The following USH2A variants were observed in gnomAD, a reference collection of about 807,000 sequenced individuals.
The protein encoded by USH2A is usherin.
A neutral mutation model predicts 538.9 loss-of-function variants in USH2A; 443 were observed. That is an observed-to-expected ratio of 0.82 (90% CI 0.76 to 0.89). The LOEUF (loss-of-function observed/expected upper bound fraction) is 0.89, where lower values mean the gene tolerates loss of function less well. Among genes scored for constraint, USH2A ranks in the 40% least tolerant of loss-of-function variants. The pLI, the probability that USH2A is intolerant of heterozygous loss-of-function variation, is 0.00. For missense variants in USH2A, 6,633 were observed against 6,324.8 expected (o/e 1.05, Z -1.65); for synonymous variants, 2,413 against 2,273.5 (o/e 1.06, Z -1.75).
At chr1:216,363,934 G>A (rs1369150939) in intron 4 of USH2A, among the ~76,000 whole-genome samples, 1 of 151,418 alleles carries the variant, frequency 6.6e-6, no homozygotes, top group South Asian at 2.1e-4. Flanking sequence ...AAATCTGTAG[G>A]AGTATAAAAA....
intron 50 of USH2A, among the ~76,000 whole-genome samples, chr1:215,795,210 G>A (rs139341704): frequency 3.3e-5 from 5 of 152,174 alleles, no homozygotes; most frequent in East Asian, 3.9e-4. Flanking sequence ...CAAAGCACAC[G>A]CTATTATTTG....
chr1:216,074,720 G>T (rs1485319288), intron 27 of USH2A, among the ~76,000 whole-genome samples: 1 of 152,122 alleles, frequency 6.6e-6, no homozygotes, highest in African/African-American at 2.4e-5. Flanking sequence ...CAGAAGCTAA[G>T]AATTTTAATG....
At position 215,680,168 on chromosome 1, in the gene USH2A, CT is replaced by C. The variant is rs1558051141; in HGVS notation, c.12274del (p.Arg4092GlufsTer5). 1.2e-6 allele frequency: 2 copies of C among 1,614,102 alleles called. No homozygotes were observed. Among genetic ancestry groups the C allele is most frequent in the Admixed American group, 1.7e-5 (1 of 60,012 alleles). ...ALLLQWSEPMRTNGVIKTYNI... is the reference protein window; with the variant it reads ...ALLLQWSEPMXTNGVIKTYNI... ...CATTACCTTAATCACACCATTGGTT[CT>C]CATAGGTTCTGACCACTGTAGTAGC... On this transcript the variant is annotated frameshift_variant, in exon 62 of 72. Coordinates refer to ENST00000307340, the MANE Select transcript of USH2A (RefSeq NM_206933.4). LOFTEE classifies it high-confidence loss of function.
At chr1:216,084,644 A>G (rs1161457568) in intron 25 of USH2A, 54 bp downstream of exon 25, 4 of 1,588,934 alleles carry the variant, frequency 2.5e-6, no homozygotes, top group Non-Finnish European at 3.4e-6. Context: ...TAAATTATAC[A>G]AAGGATAGAA....
chr1:215,631,609 C>T (rs555159092), intron 70 of USH2A, among the ~76,000 whole-genome samples: 23 of 152,320 alleles, frequency 1.5e-4, no homozygotes, highest in African/African-American at 4.6e-4. Flanking sequence ...GAATTCCACC[C>T]GGTGCCCTGG....
chr1:216,333,463 G>C (rs2037908726), intron 4 of USH2A, among the ~76,000 whole-genome samples: 2 of 152,014 alleles, frequency 1.3e-5, no homozygotes, highest in Admixed American at 1.3e-4. Context: ...GCCCCAGAAA[G>C]CTGTGGGACG....
intron 64 of USH2A, among the ~76,000 whole-genome samples, chr1:215,657,913 T>C (rs1000217793): frequency 6.9e-6 from 1 of 145,924 alleles, no homozygotes; most frequent in African/African-American, 2.5e-5. Flanking sequence ...TGTGAAATAC[T>C]GAAATTTGCC....
intron 55 of USH2A, among the ~76,000 whole-genome samples, chr1:215,776,114 G>A (rs539186313): frequency 1.4e-4 from 21 of 152,274 alleles, no homozygotes; most frequent in South Asian, 1.2e-3. Context: ...GTAGCCCAAA[G>A]TGAAACAATG....
chr1:215,978,167 C>T (rs1667666366), intron 35 of USH2A, among the ~76,000 whole-genome samples: 1 of 152,136 alleles, frequency 6.6e-6, no homozygotes, highest in Admixed American at 6.5e-5. Context: ...TACTTTGAGA[C>T]AGACAATAGG....
chr1:215,775,707 A>G (rs1661443246), intron 55 of USH2A, among the ~76,000 whole-genome samples: 1 of 152,210 alleles, frequency 6.6e-6, no homozygotes, highest in South Asian at 2.1e-4. Context: ...TGGTTAAAGT[A>G]TGTTTTCTCT....
chr1:215,715,911 G>C (rs901073916), intron 61 of USH2A, among the ~76,000 whole-genome samples: 2 of 152,160 alleles, frequency 1.3e-5, no homozygotes, highest in African/African-American at 2.4e-5. Flanking sequence ...TGGACCATAT[G>C]GCTCAATTTG....
Position 215,965,420 on chromosome 1 carries a change from T to C in USH2A, c.7017A>G (p.Thr2339=), listed in dbSNP as rs1426861450. 3 of 1,613,792 alleles carry C rather than the reference T, an allele frequency of 1.9e-6. No individual in the cohort carries two copies. Among genetic ancestry groups the C allele is most frequent in the Non-Finnish European group, 2.5e-6 (3 of 1,179,844 alleles). ...PEGTVNVFVK[T]QGSRKAHVRW... ...TCACGTGGGCTTTCCGGGATCCCTG[T>C]GTTTTGACAAACACATTTACTGTTC... The change falls in exon 37 of 72, where the codon ACA becomes ACG. Residue 2339 remains threonine (T), a synonymous_variant. Transcript: ENST00000307340.
At chr1:216,196,421 T>G in intron 19 of USH2A, 132 bp downstream of exon 19, 1 of 915,706 alleles carries the variant, frequency 1.1e-6, no homozygotes, top group South Asian at 1.5e-5. Flanking sequence ...CACATAATAT[T>G]ATATTAAGAA....
chr1:216,049,770 C>A (rs1237869602), intron 30 of USH2A, among the ~76,000 whole-genome samples: 1 of 152,102 alleles, frequency 6.6e-6, no homozygotes, highest in African/African-American at 2.4e-5. Context: ...AAGACCAGTT[C>A]TTTGCTTTGA....
intron 48 of USH2A, among the ~76,000 whole-genome samples, chr1:215,814,870 T>A (rs1459408134): frequency 1.3e-5 from 2 of 152,168 alleles, no homozygotes; most frequent in African/African-American, 4.8e-5. Context: ...TGAATCAGAA[T>A]CTCTGGGACT....
chr1:216,419,724 AT>A lies in USH2A; in HGVS notation c.486-1046del, dbSNP rs1021123790. ...CAAAAAATGATGAGTTTGTGATCAA[AT>A]TTGGTAGGAAGTATCAGAGAGGCAA... On this transcript the variant is annotated intron_variant, in intron 2 of 71. Transcript: ENST00000307340. 2.5e-3 allele frequency among the ~76,000 whole-genome samples: 387 copies of A among 152,260 alleles called. 3 individuals are homozygous for A. The highest frequency in any genetic ancestry group is 8.9e-3 in the African/African-American group (372 of 41,572).
chr1:215,755,605 A>T (rs1251494573), intron 58 of USH2A, among the ~76,000 whole-genome samples: 2 of 152,228 alleles, frequency 1.3e-5, no homozygotes, highest in Non-Finnish European at 2.9e-5. Context: ...TGAAGATTTT[A>T]ATCTTTCCTT....
chr1:216,286,413 C>T (rs1185445684), intron 11 of USH2A, among the ~76,000 whole-genome samples: 5 of 152,082 alleles, frequency 3.3e-5, no homozygotes, highest in East Asian at 1.9e-4. Context: ...TTCCCAGCCA[C>T]GTAGAATTGT....
intron 34 of USH2A, among the ~76,000 whole-genome samples, chr1:215,996,258 T>C (rs1668133240): frequency 1.3e-5 from 2 of 152,250 alleles, no homozygotes; most frequent in African/African-American, 2.4e-5. Flanking sequence ...CCACAGGGAT[T>C]GGGGATGTTA....
Sources: allele counts gnomAD v4.1 joint callset (sites outside exome capture counted in the v4.1 genomes callset), GRCh38; gene constraint gnomAD v4.1.1; transcripts MANE v1.5; gene names NCBI Gene and HGNC (gene_info 2026-07-23, HGNC 2026-07-21).